The following ARB2A variants were observed in gnomAD, a reference collection of about 807,000 sequenced individuals.
ARB2A encodes ARB2 cotranscriptional regulator A, also known as cotranscriptional regulator ARB2A.
At chr5:93,788,965 C>A in the ARB2A span, among the ~76,000 whole-genome samples, 6 of 152,184 alleles carry the variant, frequency 3.9e-5, no homozygotes, top group Non-Finnish European at 7.3e-5. Flanking sequence ...TGTAGCCTGG[C>A]AGCCATGACA....
At chr5:93,634,001 G>A in the ARB2A span, among the ~76,000 whole-genome samples, 38 of 152,120 alleles carry the variant, frequency 2.5e-4, no homozygotes, top group African/African-American at 8.7e-4. Flanking sequence ...GGGCTCAAGC[G>A]ATCTGCCTGC....
At chr5:93,797,762 T>C in the ARB2A span, among the ~76,000 whole-genome samples, 1 of 152,160 alleles carries the variant, frequency 6.6e-6, no homozygotes, top group Non-Finnish European at 1.5e-5. Context: ...CACACAGGTT[T>C]TATCTAATGT....
the ARB2A span, among the ~76,000 whole-genome samples, chr5:94,100,837 GA>G: frequency 2.0e-5 from 3 of 152,162 alleles, no homozygotes; most frequent in Admixed American, 6.5e-5. Flanking sequence ...AAAACCCCTG[GA>G]AAACAACCTA....
At chr5:94,009,561 A>G in the ARB2A span, among the ~76,000 whole-genome samples, 1 of 152,094 alleles carries the variant, frequency 6.6e-6, no homozygotes, top group Non-Finnish European at 1.5e-5. Context: ...TCATATTAAA[A>G]CCACAGCCAT....
the ARB2A span, among the ~76,000 whole-genome samples, chr5:93,767,727 G>A: frequency 8.6e-5 from 13 of 152,022 alleles, no homozygotes; most frequent in African/African-American, 2.7e-4. Flanking sequence ...GGGCACGTTG[G>A]CTCACGTCTG....
chr5:94,053,894 G>T, the ARB2A span, among the ~76,000 whole-genome samples: 1 of 151,892 alleles, frequency 6.6e-6, no homozygotes, highest in African/African-American at 2.4e-5. Context: ...TCAGCCTTCC[G>T]AGTAGCTGGG....
the ARB2A span, among the ~76,000 whole-genome samples, chr5:93,859,978 G>C: frequency 6.6e-6 from 1 of 152,172 alleles, no homozygotes; most frequent in East Asian, 1.9e-4. Context: ...TGAAGCCCAG[G>C]AGGCATGCCT....
chr5:93,674,042 A>C, the ARB2A span, among the ~76,000 whole-genome samples: 1 of 152,230 alleles, frequency 6.6e-6, no homozygotes, highest in African/African-American at 2.4e-5. Context: ...TATCTTAAGG[A>C]GTCTAATCGG....
the ARB2A span, among the ~76,000 whole-genome samples, chr5:93,934,750 A>C: frequency 6.6e-6 from 1 of 152,240 alleles, no homozygotes; most frequent in Non-Finnish European, 1.5e-5. Flanking sequence ...GAGAAAGCCA[A>C]CATGTCAATG....
the ARB2A span, among the ~76,000 whole-genome samples, chr5:93,727,764 G>C: frequency 1.3e-5 from 2 of 151,966 alleles, no homozygotes; most frequent in Non-Finnish European, 2.9e-5. Flanking sequence ...TATCAGTGCT[G>C]GGTTCTAATA....
At chr5:94,045,683 A>C in the ARB2A span, among the ~76,000 whole-genome samples, 5 of 152,334 alleles carry the variant, frequency 3.3e-5, no homozygotes, top group Admixed American at 3.3e-4. Context: ...CACACTATTT[A>C]TTATTCAACA....
the ARB2A span, among the ~76,000 whole-genome samples, chr5:93,931,003 T>A: frequency 6.6e-6 from 1 of 152,136 alleles, no homozygotes; most frequent in Non-Finnish European, 1.5e-5. Context: ...CCATGCTGAC[T>A]GGCCCAGGTG....
chr5:93,992,583 T>A, the ARB2A span, among the ~76,000 whole-genome samples: 2 of 152,052 alleles, frequency 1.3e-5, no homozygotes, highest in Admixed American at 1.3e-4. Context: ...CAGAAGGATG[T>A]AATATACACC....
At chr5:94,110,239 T>C in the ARB2A span, among the ~76,000 whole-genome samples, 89 of 152,306 alleles carry the variant, frequency 5.8e-4, 1 homozygote, top group African/African-American at 2.0e-3. Flanking sequence ...TAATTATACG[T>C]CTCCATCCAC....
chr5:93,972,822 T>A, the ARB2A span, among the ~76,000 whole-genome samples: 1 of 151,906 alleles, frequency 6.6e-6, no homozygotes, highest in Non-Finnish European at 1.5e-5. Context: ...ACGCCTGTGA[T>A]CTTAGCACTT....
the ARB2A span, among the ~76,000 whole-genome samples, chr5:93,724,808 G>A: frequency 2.0e-5 from 3 of 151,958 alleles, no homozygotes; most frequent in Admixed American, 2.0e-4. Flanking sequence ...ATGAACAACA[G>A]TAAGTAATAA....
the ARB2A span, among the ~76,000 whole-genome samples, chr5:93,955,823 T>G: frequency 6.6e-6 from 1 of 152,200 alleles, no homozygotes. Context: ...GTGCTCACTC[T>G]GGGCCTGGAC....
chr5:93,743,393 C>T, the ARB2A span: 1 of 201,660 alleles, frequency 5.0e-6, no homozygotes, highest in African/African-American at 2.4e-5. Context: ...ATAAGTGAAT[C>T]TCTGTAGCAT....
At chr5:93,791,900 A>T in the ARB2A span, among the ~76,000 whole-genome samples, 1 of 152,150 alleles carries the variant, frequency 6.6e-6, no homozygotes. Flanking sequence ...CTCAACAACA[A>T]AAAAAGCATG....
Sources: gnomAD v4.1 joint callset for allele counts (sites outside exome capture counted in the v4.1 genomes callset) on GRCh38, gnomAD v4.1.1 for gene constraint, MANE v1.5 for transcripts, NCBI Gene and HGNC (gene_info 2026-07-23, HGNC 2026-07-21) for gene names.